The following SEMA4D variants were observed in gnomAD, a reference collection of about 807,000 sequenced individuals.
SEMA4D encodes semaphorin-4D.
A neutral mutation model predicts 74.8 loss-of-function variants in SEMA4D; 22 were observed. That is an observed-to-expected ratio of 0.29 (90% CI 0.21 to 0.42). The LOEUF is 0.42. Ranked by LOEUF, SEMA4D falls within the 10% of genes least tolerant of loss-of-function variation. The pLI is 1.00. For synonymous variants in SEMA4D, 445 were observed against 463.7 expected (o/e 0.96, Z 0.52); for missense variants, 937 against 1,118.4 (o/e 0.84, Z 2.31).
rs144926418 is a variant in SEMA4D at position 89,381,188 on chromosome 9, G to A, written c.1605C>T (p.Thr535=). ...PTATCVALHQ[T]ESPSRGLIQE... ...CCGCCCCATACCTGCTGGGGCTCTCGGTCTGGTGCAGAGCCACGCAGGTCG... is the reference window on the plus strand; with the variant it reads ...CCGCCCCATACCTGCTGGGGCTCTCAGTCTGGTGCAGAGCCACGCAGGTCG... Residue 535 remains threonine (T), a synonymous_variant, in exon 14 of 16, where the codon ACC becomes ACT. Transcript: ENST00000422704. This position sits in a 1 kb window ranked among gnomAD's most constrained non-coding sequence, Gnocchi z 4.6. 1.2e-4 allele frequency: 194 copies of A among 1,613,436 alleles called. No homozygotes were observed. The African/African-American group carries it at 1.9e-3, about 16-fold the overall frequency.
intron 2 of SEMA4D, among the ~76,000 whole-genome samples, chr9:89,439,864 C>T (rs192321617): frequency 1.3e-5 from 2 of 152,294 alleles, no homozygotes; most frequent in African/African-American, 2.4e-5. Flanking sequence ...GGAAACCGGC[C>T]GACCCACGAT....
At chr9:89,388,343 T>C (rs1359301868) in intron 11 of SEMA4D, among the ~76,000 whole-genome samples, 1 of 152,270 alleles carries the variant, frequency 6.6e-6, no homozygotes, top group Admixed American at 6.5e-5. Flanking sequence ...CAAGGAATCA[T>C]GTGTTTCTCT....
intron 1 of SEMA4D, among the ~76,000 whole-genome samples, chr9:89,485,063 C>T (rs1825067726): frequency 6.6e-6 from 1 of 151,916 alleles, no homozygotes. Context: ...TTTGTGATTT[C>T]CATAACAAGT....
chr9:89,477,310 C>G (rs968381281), intron 1 of SEMA4D, among the ~76,000 whole-genome samples: 1 of 151,826 alleles, frequency 6.6e-6, no homozygotes, highest in African/African-American at 2.4e-5. Flanking sequence ...ATGCATGCAC[C>G]CCCCCACACA....
rs982281412 is a variant in SEMA4D, at chr9:89,377,882, G to C, written c.*822C>G. The C allele has an allele frequency of 6.8e-6, 1 of 147,366 alleles. No homozygotes were observed. The highest frequency in any genetic ancestry group is 2.5e-5 in the African/African-American group (1 of 39,790). The allele number at this position is 147,366 out of a possible 1,614,324, so 9.1% of individuals were successfully genotyped here. On this transcript the variant is annotated 3_prime_UTR_variant, in exon 16 of 16. Coordinates refer to ENST00000422704, the MANE Select transcript of SEMA4D (RefSeq NM_001371194.2). ...TGTGGGAAGGTCCTCTTCTTCGAGA[G>C]AGTAAAAGTTAAAAAAAAAGAAAAG... is the stretch of plus-strand genomic sequence containing the variant.
chr9:89,412,869 T>C (rs1213798490), intron 2 of SEMA4D, among the ~76,000 whole-genome samples: 1 of 152,126 alleles, frequency 6.6e-6, no homozygotes, highest in Admixed American at 6.5e-5. Flanking sequence ...CATTGTTTCA[T>C]ATAATTTTAA....
At chr9:89,447,035 G>A (rs1381909065) in intron 2 of SEMA4D, among the ~76,000 whole-genome samples, 1 of 151,992 alleles carries the variant, frequency 6.6e-6, no homozygotes, top group Admixed American at 6.6e-5. Flanking sequence ...TCATCTCCCA[G>A]GCCCAGACCA....
intron 2 of SEMA4D, among the ~76,000 whole-genome samples, chr9:89,408,413 G>A (rs945807482): frequency 6.6e-6 from 1 of 152,128 alleles, no homozygotes; most frequent in Non-Finnish European, 1.5e-5. Context: ...AAGAAAGGAT[G>A]GTAACAGTGG....
chr9:89,478,731 C>T (rs866111017), intron 1 of SEMA4D, among the ~76,000 whole-genome samples: 1 of 152,026 alleles, frequency 6.6e-6, no homozygotes, highest in Non-Finnish European at 1.5e-5. Context: ...CACTCTCCCA[C>T]CCAAAACCTG....
intron 1 of SEMA4D, among the ~76,000 whole-genome samples, chr9:89,458,052 A>T (rs1046445682): frequency 2.0e-5 from 3 of 152,110 alleles, no homozygotes; most frequent in African/African-American, 7.2e-5. Context: ...AACAACAAAC[A>T]ACAAAAAACA....
At chr9:89,407,674 T>C (rs1843605294) in intron 2 of SEMA4D, among the ~76,000 whole-genome samples, 2 of 152,106 alleles carry the variant, frequency 1.3e-5, no homozygotes. Context: ...AGGCCCACAT[T>C]TTCATCATGG....
At chr9:89,447,539 G>C (rs1015985123) in intron 2 of SEMA4D, among the ~76,000 whole-genome samples, 4 of 152,020 alleles carry the variant, frequency 2.6e-5, no homozygotes, top group African/African-American at 9.7e-5. Context: ...CAAGCTGGCA[G>C]CAAGTCCTCT....
rs545685507 is a variant in SEMA4D at position 89,407,155 on chromosome 9, T to C, written c.-243-1456A>G. 2.0e-5 allele frequency among the ~76,000 whole-genome samples: 3 copies of C among 152,258 alleles called. No individual in the cohort carries two copies. The South Asian group carries it at 6.2e-4, about 32-fold the overall frequency. On this transcript the variant is annotated intron_variant, in intron 2 of 15. Coordinates refer to ENST00000422704, the MANE Select transcript of SEMA4D (RefSeq NM_001371194.2). ...GTTCCTGCACCCTCGCTAACAAAAT[T>C]CCGAGGTTACTTGGGTTGGCAGTGT...
In SEMA4D at chr9:89,463,874, C is replaced by T. The variant is rs933727981; in HGVS notation, c.-309-7921G>A. Among the ~76,000 whole-genome samples, 11 of 149,514 alleles carry T rather than the reference C, an allele frequency of 7.4e-5. No homozygotes were observed. In the East Asian group the frequency reaches 1.6e-3, roughly 21 times the overall value. ...GCTTGAACCCAGGAGGTGGAGGTTG[C>T]GGTGAGCCGAGATTGCACCACTGCA... is the stretch of plus-strand genomic sequence containing the variant. On this transcript the variant is annotated intron_variant, in intron 1 of 15. Coordinates refer to ENST00000422704, the MANE Select transcript of SEMA4D (RefSeq NM_001371194.2).
chr9:89,383,170 G>T (rs1588184371), intron 13 of SEMA4D, among the ~76,000 whole-genome samples: 1 of 152,324 alleles, frequency 6.6e-6, no homozygotes, highest in East Asian at 1.9e-4. Context: ...GTGGGTGGGA[G>T]AACAGGGCAT....
At chr9:89,414,278 C>T (rs530144292) in intron 2 of SEMA4D, among the ~76,000 whole-genome samples, 1 of 152,306 alleles carries the variant, frequency 6.6e-6, no homozygotes, top group East Asian at 1.9e-4. Flanking sequence ...TTACCTGGAC[C>T]CCTGACCTCA....
chr9:89,490,031 T>A (rs1234294091), intron 1 of SEMA4D, among the ~76,000 whole-genome samples: 3 of 142,722 alleles, frequency 2.1e-5, no homozygotes, highest in Non-Finnish European at 4.6e-5. Context: ...TCCACCCTCC[T>A]TTTTTTTTTT....
chr9:89,453,347 G>A (rs963860689), intron 2 of SEMA4D, among the ~76,000 whole-genome samples: 13 of 152,260 alleles, frequency 8.5e-5, no homozygotes, highest in African/African-American at 3.1e-4. Flanking sequence ...ATAAGCACAT[G>A]CAAGTGTAAG....
rs561634122 is a variant in SEMA4D at position 89,370,096 on chromosome 9, A to C, written c.1883-6146T>G. 4.8e-3 allele frequency among the ~76,000 whole-genome samples: 713 copies of C among 149,004 alleles called. 4 individuals are homozygous for C. Among genetic ancestry groups the C allele is most frequent in the African/African-American group, 0.017 (669 of 40,236 alleles). The stretch of plus-strand genomic sequence containing the variant: ...GTATGGTGTGTATGGGGGTGGTTTT[A>C]GGTGTGTGTACAGTGTGTGTGTGTG... On this transcript the variant is annotated intron_variant, in intron 16 of 18. Transcript: ENST00000339861.
Sources: allele counts gnomAD v4.1 joint callset (sites outside exome capture counted in the v4.1 genomes callset), GRCh38; gene constraint gnomAD v4.1.1; non-coding constraint Gnocchi (gnomAD v3.1); transcripts MANE v1.5; gene names NCBI Gene and HGNC (gene_info 2026-07-23, HGNC 2026-07-21).